Variants in DTNA observed in about 807,000 individuals in gnomAD.
The protein encoded by DTNA is dystrophin-related protein 3.
DTNA carries 43 observed loss-of-function variants against 100.7 expected under a neutral mutation model. The ratio of observed to expected loss-of-function variants is 0.43; its 90% CI spans 0.33 to 0.55. DTNA has a LOEUF of 0.55. DTNA is among the 20% of genes least tolerant of loss of function. DTNA has a pLI of 0.04. For synonymous variants in DTNA, 349 were observed against 347.9 expected (o/e 1.00, Z -0.04); for missense variants, 798 against 953.9 (o/e 0.84, Z 2.15).
At chr18:34,814,428 A>G (rs1160754598) in intron 6 of DTNA, among the ~76,000 whole-genome samples, 6 of 152,080 alleles carry the variant, frequency 3.9e-5, no homozygotes, top group South Asian at 2.1e-4. Context: ...TGGCTCACAC[A>G]GTAATCCTAG....
intron 16 of DTNA, among the ~76,000 whole-genome samples, chr18:34,861,299 C>T (rs2096622054): frequency 6.6e-6 from 1 of 151,664 alleles, no homozygotes; most frequent in Non-Finnish European, 1.5e-5. Flanking sequence ...TCCTGGCTAA[C>T]ACAGTGAAAC....
intron 2 of DTNA, among the ~76,000 whole-genome samples, chr18:34,760,237 C>T (rs200357189): frequency 6.6e-6 from 1 of 152,076 alleles, no homozygotes; most frequent in African/African-American, 2.4e-5. Context: ...CACCATGGAT[C>T]GCCACCCCAG....
chr18:34,818,482 T>A, intron 8 of DTNA, 152 bp downstream of exon 8: 1 of 1,525,016 alleles, frequency 6.6e-7, no homozygotes. Flanking sequence ...CTCTCCACCC[T>A]ACTGCGTGCT....
At chr18:34,757,121 G>A (rs1433011983) in intron 2 of DTNA, 1 of 152,178 alleles carries the variant, frequency 6.6e-6, no homozygotes, top group Non-Finnish European at 1.5e-5. Flanking sequence ...TTGATGTGGG[G>A]AATCTCAGTC....
At chr18:34,507,260 C>G (rs1329467572) in intron 1 of DTNA, among the ~76,000 whole-genome samples, 2 of 152,200 alleles carry the variant, frequency 1.3e-5, no homozygotes, top group African/African-American at 2.4e-5. Context: ...AGCTCTTGCT[C>G]TACTCTCACT....
chr18:34,840,561 A>G (rs1417400361), intron 13 of DTNA, among the ~76,000 whole-genome samples: 2 of 152,158 alleles, frequency 1.3e-5, no homozygotes, highest in Non-Finnish European at 1.5e-5. Flanking sequence ...AGAAATCTCC[A>G]AAGAGAAAAG....
intron 1 of DTNA, among the ~76,000 whole-genome samples, chr18:34,655,463 G>C (rs1308540737): frequency 1.3e-5 from 2 of 152,036 alleles, no homozygotes; most frequent in Non-Finnish European, 2.9e-5. Context: ...AAACTAAGCA[G>C]GTATTTCTGA....
chr18:34,494,695 T>A (rs2038988650), intron 1 of DTNA, among the ~76,000 whole-genome samples: 2 of 152,084 alleles, frequency 1.3e-5, no homozygotes, highest in African/African-American at 4.8e-5. Context: ...GCGCAAATAT[T>A]GGATGTGCCT....
At chr18:34,742,209 G>T (rs1474138942) in intron 1 of DTNA, among the ~76,000 whole-genome samples, 1 of 152,156 alleles carries the variant, frequency 6.6e-6, no homozygotes, top group Non-Finnish European at 1.5e-5. Flanking sequence ...CTTCTCAGTT[G>T]TATTAGTTTC....
intron 1 of DTNA, among the ~76,000 whole-genome samples, chr18:34,732,542 C>T (rs2088549527): frequency 6.6e-6 from 1 of 152,206 alleles, no homozygotes; most frequent in South Asian, 2.1e-4. Context: ...TATTCTCCTT[C>T]CCTGTGAGAG....
intron 1 of DTNA, among the ~76,000 whole-genome samples, chr18:34,521,238 A>C (rs1257033371): frequency 6.6e-6 from 1 of 152,024 alleles, no homozygotes; most frequent in Non-Finnish European, 1.5e-5. Context: ...TTCCCCTGAC[A>C]CTTCATAACC....
intron 1 of DTNA, among the ~76,000 whole-genome samples, chr18:34,503,549 G>T (rs976176805): frequency 6.6e-6 from 1 of 151,994 alleles, no homozygotes. Context: ...CTCCCAAAGC[G>T]CTGGGATTAT....
chr18:34,576,768 T>C (rs2048152054), intron 1 of DTNA, among the ~76,000 whole-genome samples: 1 of 152,100 alleles, frequency 6.6e-6, no homozygotes, highest in Non-Finnish European at 1.5e-5. Flanking sequence ...CGTAAATTGG[T>C]GATATTTGTA....
intron 1 of DTNA, among the ~76,000 whole-genome samples, chr18:34,615,724 CA>C (rs1473803827): frequency 6.6e-6 from 1 of 152,142 alleles, no homozygotes; most frequent in African/African-American, 2.4e-5. Flanking sequence ...GGCAACTTTA[CA>C]GACCTCACAC....
At chr18:34,500,455 AGTT>A (rs938580605) in intron 1 of DTNA, among the ~76,000 whole-genome samples, 13 of 149,502 alleles carry the variant, frequency 8.7e-5, no homozygotes, top group African/African-American at 2.2e-4. Context: ...GTGTGTATAT[AGTT>A]GTTGTTGTTT....
At position 34,854,095 on chromosome 18, in the gene DTNA, T is replaced by C. The variant is rs111357880; in HGVS notation, c.1532+2167T>C. On this transcript the variant is annotated intron_variant, in intron 15 of 22. Transcript: ENST00000444659. ...ACAATGTAAAAGAACCATTGGACTT[T>C]GTGGTTCGTGGAATGCTTGTGTGAG... is the stretch of plus-strand genomic sequence containing the variant. Among the ~76,000 whole-genome samples the C allele has an allele frequency of 6.7e-3, 1,021 of 152,314 alleles. 6 individuals carry two copies. The highest frequency in any genetic ancestry group is 9.0e-3 in the Non-Finnish European group (611 of 68,024).
chr18:34,642,283 GC>G (rs1259013443), intron 1 of DTNA, among the ~76,000 whole-genome samples: 1 of 152,144 alleles, frequency 6.6e-6, no homozygotes, highest in Non-Finnish European at 1.5e-5. Context: ...CTTAAAGGTT[GC>G]CCAACTGGAA....
At chr18:34,634,863 A>G (rs1268641883) in intron 1 of DTNA, among the ~76,000 whole-genome samples, 2 of 152,182 alleles carry the variant, frequency 1.3e-5, no homozygotes, top group African/African-American at 4.8e-5. Flanking sequence ...CGAGAATACA[A>G]TACATTGTTA....
chr18:34,726,370 T>A (rs906148580), intron 1 of DTNA, among the ~76,000 whole-genome samples: 1 of 152,206 alleles, frequency 6.6e-6, no homozygotes, highest in Non-Finnish European at 1.5e-5. Context: ...CTCTTCCTCA[T>A]AGCCTCCAAG....
Sources: gnomAD v4.1 joint callset for allele counts (sites outside exome capture counted in the v4.1 genomes callset) on GRCh38, gnomAD v4.1.1 for gene constraint, MANE v1.5 for transcripts, NCBI Gene and HGNC (gene_info 2026-07-23, HGNC 2026-07-21) for gene names.